The following TPCN1 variants were observed in gnomAD, a reference collection of about 807,000 sequenced individuals.
TPCN1 encodes two pore segment channel 1.
Under a neutral mutation model 108.8 loss-of-function variants are expected in TPCN1, and 52 were observed. The observed-to-expected ratio is 0.48, with a 90% CI of 0.38 to 0.60. TPCN1 has a LOEUF of 0.60. Ranked by LOEUF, TPCN1 falls within the 20% of genes least tolerant of loss-of-function variation. The probability of loss-of-function intolerance (pLI) is 0.00; values close to 1 mark genes in which losing one functional copy is unlikely to be tolerated. For synonymous variants in TPCN1, 446 were observed against 433.7 expected, an observed-to-expected ratio of 1.03 and a Z score of -0.35; for missense variants, 806 against 1,072.8, an observed-to-expected ratio of 0.75 and a Z score of 3.47.
intron 21 of TPCN1, 62 bp from the exon 22 acceptor site, chr12:113,290,066 C>A: frequency 9.2e-7 from 1 of 1,083,818 alleles, no homozygotes; most frequent in Admixed American, 2.1e-5. Context: ...GACTTCTGTC[C>A]TCTCTGGAGG....
intron 2 of TPCN1, among the ~76,000 whole-genome samples, chr12:113,255,143 G>A (rs981319511): frequency 1.3e-5 from 2 of 152,158 alleles, no homozygotes; most frequent in Admixed American, 6.5e-5. Flanking sequence ...GTATAGAAAC[G>A]CCCATGACAT....
chr12:113,290,085 C>T (rs762026881), intron 21 of TPCN1, 43 bp from the exon 22 acceptor site: 66 of 1,286,774 alleles, frequency 5.1e-5, no homozygotes, highest in Admixed American at 2.2e-4. Flanking sequence ...GGTGACTGAT[C>T]GCCTTGTGAC....
chr12:113,269,900 T>C lies in TPCN1; in HGVS notation c.748+55T>C. On this transcript the variant is annotated intron_variant, in intron 7 of 27. Coordinates refer to ENST00000335509, the MANE Select transcript of TPCN1 (RefSeq NM_017901.6). The surrounding 1 kb of genome is among the most constrained non-coding windows in gnomAD (Gnocchi z 5.0). The stretch of plus-strand genomic sequence containing the variant: ...GCTGGAAAAGCAAGTTCACGGTGGA[T>C]GAAAAATTATTTTGGGCCTGGCTCA... The C allele has an allele frequency of 1.3e-6, 2 of 1,586,368 alleles. No homozygotes were observed. Among genetic ancestry groups the C allele is most frequent in the Non-Finnish European group, 1.7e-6 (2 of 1,157,362 alleles).
intron 24 of TPCN1, 65 bp from the exon 25 acceptor site, chr12:113,291,809 G>C: frequency 6.4e-7 from 1 of 1,568,586 alleles, no homozygotes; most frequent in South Asian, 1.1e-5. Context: ...CGTGGGCTGC[G>C]CAGCCACGGA....
In TPCN1 at chr12:113,241,761, C is replaced by T. The variant is rs202246284; in HGVS notation, c.112+14797C>T. ...AAACAGTGGCGTTTGCGTGCCTCTG[C>T]GTGTGTGTGTGTGTGTGTGTGTGTG... On this transcript the variant is annotated intron_variant, in intron 2 of 27. Coordinates refer to ENST00000335509, the MANE Select transcript of TPCN1 (RefSeq NM_017901.6). Among the ~76,000 whole-genome samples the T allele has an allele frequency of 5.4e-3, 774 of 144,476 alleles. 11 individuals are homozygous for T. Among genetic ancestry groups the T allele is most frequent in the African/African-American group, 0.018 (723 of 39,298 alleles). The allele number at this position is 144,476 out of a possible 152,430, so 94.8% of individuals were successfully genotyped here. A position where few individuals can be genotyped will look rare whatever the true frequency, so the allele number is the denominator to read the frequency against.
chr12:113,284,888 G>A lies in TPCN1; in HGVS notation c.1453+117G>A. On this transcript the variant is annotated intron_variant, in intron 17 of 27. Coordinates refer to ENST00000335509, the MANE Select transcript of TPCN1 (RefSeq NM_017901.6). The surrounding 1 kb of genome is among the most constrained non-coding windows in gnomAD (Gnocchi z 4.1). ...AAACAGGAAGCTATAAAGAGACGGAGTAATCAGTCTGATTCCATCTCGTCC... is the reference window on the plus strand; with the variant it reads ...AAACAGGAAGCTATAAAGAGACGGAATAATCAGTCTGATTCCATCTCGTCC... 1 of 1,170,054 alleles carries A rather than the reference G, an allele frequency of 8.5e-7. No homozygotes were observed. 72.5% of individuals were successfully genotyped at this position (1,170,054 alleles called of 1,614,324 possible). A position where few individuals can be genotyped will look rare whatever the true frequency, so the allele number is the denominator to read the frequency against.
chr12:113,281,457 C>A (rs969801104), intron 15 of TPCN1, among the ~76,000 whole-genome samples: 1 of 152,242 alleles, frequency 6.6e-6, no homozygotes, highest in African/African-American at 2.4e-5. Flanking sequence ...TGCTTTGTCT[C>A]ACAGTCCCAG....
At position 113,278,940 on chromosome 12, in the gene TPCN1, G is replaced by A. The variant is rs1022656891; in HGVS notation, c.1297+105G>A. On this transcript the variant is annotated intron_variant, in intron 14 of 27. Coordinates refer to ENST00000335509, the MANE Select transcript of TPCN1 (RefSeq NM_017901.6). ...GAGAGGTTCAGAGGGGTGTGTGTGT[G>A]TGTGTGTTTGTCTGAATGCCTGTGT... The A allele has an allele frequency of 7.9e-6, 8 of 1,006,948 alleles. 1 individual carries two copies. The highest frequency in any genetic ancestry group is 3.7e-5 in the Admixed American group (2 of 54,120). 62.4% of individuals were successfully genotyped at this position (1,006,948 alleles called of 1,614,324 possible).
At chr12:113,241,166 G>A (rs147444253) in intron 2 of TPCN1, among the ~76,000 whole-genome samples, 82 of 152,388 alleles carry the variant, frequency 5.4e-4, no homozygotes, top group Non-Finnish European at 7.1e-4. Context: ...GCAAAAGGAA[G>A]GGAAGGCCGA....
intron 2 of TPCN1, among the ~76,000 whole-genome samples, chr12:113,256,158 A>G (rs1039769510): frequency 1.3e-5 from 2 of 152,016 alleles, no homozygotes; most frequent in African/African-American, 4.8e-5. Context: ...TTTTTTGTAG[A>G]GATAGGGTCT....
chr12:113,279,347 G>A (rs113650330), intron 14 of TPCN1, among the ~76,000 whole-genome samples: 3,781 of 72,998 alleles, frequency 0.052, 118 homozygotes, highest in South Asian at 0.1. Context: ...GTATATATAT[G>A]TGTGTGTGTG....
chr12:113,290,306 C>T, intron 22 of TPCN1, 63 bp downstream of exon 22: 1 of 1,166,056 alleles, frequency 8.6e-7, no homozygotes, highest in Non-Finnish European at 1.2e-6. Flanking sequence ...ACCCTTGTCA[C>T]CACGGGTCCC....
chr12:113,244,730 G>A lies in TPCN1; in HGVS notation c.113-15638G>A, dbSNP rs551765911. The A allele has an allele frequency of 4.0e-5, 39 of 985,414 alleles. No homozygotes were observed. The South Asian group carries it at 1.4e-3, about 36-fold the overall frequency. 61.0% of individuals were successfully genotyped at this position (985,414 alleles called of 1,614,324 possible). A position where few individuals can be genotyped will look rare whatever the true frequency, so the allele number is the denominator to read the frequency against. On this transcript the variant is annotated intron_variant, in intron 2 of 27. Transcript: ENST00000335509. The stretch of plus-strand genomic sequence containing the variant: ...TCTGGTAGGCGCTGGTTTCCGGAGG[G>A]CTCCGAGTGCTTTGTGAGTATTCGC...
At chr12:113,265,626 A>G (rs1263055797) in intron 3 of TPCN1, among the ~76,000 whole-genome samples, 2 of 147,186 alleles carry the variant, frequency 1.4e-5, no homozygotes, top group Non-Finnish European at 3.0e-5. Context: ...GGCTCACTGC[A>G]GCTTTGACCT....
intron 2 of TPCN1, among the ~76,000 whole-genome samples, chr12:113,227,470 G>A (rs114983425): frequency 0.017 from 2,595 of 152,262 alleles, 58 homozygotes; most frequent in African/African-American, 0.058. Context: ...TGATTTGAGG[G>A]CTTGGGGTTT....
intron 2 of TPCN1, among the ~76,000 whole-genome samples, chr12:113,248,863 G>T (rs1954512372): frequency 6.6e-6 from 1 of 152,218 alleles, no homozygotes; most frequent in Non-Finnish European, 1.5e-5. Flanking sequence ...TCTGACTGGT[G>T]TCAAGAATAG....
At chr12:113,265,245 G>C (rs1377839198) in intron 3 of TPCN1, among the ~76,000 whole-genome samples, 3 of 152,194 alleles carry the variant, frequency 2.0e-5, no homozygotes, top group African/African-American at 4.8e-5. Flanking sequence ...CTGACTGTGT[G>C]GCAGACACCA....
chr12:113,227,137 C>T (rs754887234), intron 2 of TPCN1, among the ~76,000 whole-genome samples, 173 bp downstream of exon 2: 1 of 152,228 alleles, frequency 6.6e-6, no homozygotes, highest in Non-Finnish European at 1.5e-5. Flanking sequence ...GTTTCTCCTT[C>T]CACACCCCCA....
chr12:113,243,978 G>C (rs1343278005), intron 2 of TPCN1, among the ~76,000 whole-genome samples: 1 of 152,046 alleles, frequency 6.6e-6, no homozygotes, highest in African/African-American at 2.4e-5. Context: ...CCAAAAGCCT[G>C]TTTCTGATCT....
Sources: allele counts gnomAD v4.1 joint callset (sites outside exome capture counted in the v4.1 genomes callset), GRCh38; gene constraint gnomAD v4.1.1; non-coding constraint Gnocchi (gnomAD v3.1); transcripts MANE v1.5; gene names NCBI Gene and HGNC (gene_info 2026-07-23, HGNC 2026-07-21).